The following TTC29 variants were observed in gnomAD, a reference collection of about 807,000 sequenced individuals.
TTC29 encodes the protein tetratricopeptide repeat domain 29.
A neutral mutation model predicts 58.1 loss-of-function variants in TTC29; 49 were observed. That is an observed-to-expected ratio of 0.84 (90% CI 0.67 to 1.07). TTC29 has a LOEUF of 1.07. TTC29 is among the 50% of genes least tolerant of loss of function. TTC29 has a pLI of 0.00. For synonymous variants in TTC29, 209 were observed against 196.8 expected (o/e 1.06, Z -0.52); for missense variants, 582 against 555.6 (o/e 1.05, Z -0.48).
At chr4:146,775,142 T>G (rs972787773) in intron 11 of TTC29, among the ~76,000 whole-genome samples, 5 of 152,184 alleles carry the variant, frequency 3.3e-5, no homozygotes, top group African/African-American at 9.6e-5. Flanking sequence ...ATAGGTGTCA[T>G]TGCATGTGAG....
chr4:146,914,007 C>T (rs1734063461), intron 4 of TTC29, among the ~76,000 whole-genome samples: 1 of 152,120 alleles, frequency 6.6e-6, no homozygotes, highest in Admixed American at 6.6e-5. Flanking sequence ...TTTTTACACA[C>T]ATGCGCACAT....
At chr4:146,755,345 A>G (rs1174431308) in intron 11 of TTC29, among the ~76,000 whole-genome samples, 2 of 152,316 alleles carry the variant, frequency 1.3e-5, no homozygotes, top group Admixed American at 6.5e-5. Flanking sequence ...TTCCAATGAC[A>G]TTCTTCACTG....
intron 10 of TTC29, among the ~76,000 whole-genome samples, chr4:146,809,199 A>G (rs1275611344): frequency 6.7e-6 from 1 of 149,956 alleles, no homozygotes; most frequent in African/African-American, 2.4e-5. Context: ...AAAAACTGAA[A>G]CTGGGTCCCT....
At chr4:146,902,750 G>C (rs376550762) in intron 6 of TTC29, among the ~76,000 whole-genome samples, 8 of 152,076 alleles carry the variant, frequency 5.3e-5, no homozygotes, top group Admixed American at 3.3e-4. Context: ...GGCGCCTTGC[G>C]AGCTTTAGCT....
At chr4:146,901,156 C>T (rs902877743) in intron 6 of TTC29, among the ~76,000 whole-genome samples, 1 of 152,080 alleles carries the variant, frequency 6.6e-6, no homozygotes, top group South Asian at 2.1e-4. Context: ...AAGAACTTAA[C>T]CCTTTTGTAC....
At chr4:146,887,522 C>A (rs188533953) in intron 6 of TTC29, among the ~76,000 whole-genome samples, 2 of 152,186 alleles carry the variant, frequency 1.3e-5, no homozygotes, top group Admixed American at 6.5e-5. Context: ...TCAAGTCTAG[C>A]ACCGGCTGCT....
intron 11 of TTC29, among the ~76,000 whole-genome samples, chr4:146,729,684 TC>T (rs1476609932): frequency 6.6e-6 from 1 of 152,086 alleles, no homozygotes; most frequent in African/African-American, 2.4e-5. Context: ...AACTGACAGT[TC>T]TACAGGGTTG....
chr4:146,867,548 A>G lies in TTC29; in HGVS notation c.835T>C (p.Tyr279His), dbSNP rs1165820363. 4 of 1,555,380 alleles carry G rather than the reference A, an allele frequency of 2.6e-6. No homozygotes were observed. Among genetic ancestry groups the G allele is most frequent in the Non-Finnish European group, 3.5e-6 (4 of 1,149,178 alleles). The change falls in exon 8 of 13, where the codon TAC (tyrosine) becomes CAC (histidine). Residue 279 changes from tyrosine to histidine, a missense_variant. Coordinates refer to ENST00000325106, the MANE Select transcript of TTC29 (RefSeq NM_031956.4). ...DKKMEAEASYYLGLAHLAAEE... is the reference protein window; with the variant it reads ...DKKMEAEASYHLGLAHLAAEE... ...GCAGCTAAGTGTGCTAAGCCCAAGT[A>G]GTAAGAGGCTTCCGCTTCCATCTTT...
intron 5 of TTC29, among the ~76,000 whole-genome samples, chr4:146,903,994 A>G (rs1733349135): frequency 6.6e-6 from 1 of 152,322 alleles, no homozygotes; most frequent in East Asian, 1.9e-4. Context: ...TGGTTGAAAC[A>G]GGAGGCTTTA....
intron 11 of TTC29, among the ~76,000 whole-genome samples, chr4:146,799,767 C>T (rs992961578): frequency 2.0e-5 from 3 of 152,096 alleles, no homozygotes; most frequent in Non-Finnish European, 4.4e-5. Context: ...AAGTGGTTAA[C>T]AATATTGGTA....
chr4:146,742,093 C>T (rs1745196033), intron 11 of TTC29, among the ~76,000 whole-genome samples: 2 of 152,202 alleles, frequency 1.3e-5, no homozygotes, highest in Admixed American at 6.5e-5. Context: ...TGATTTGAAC[C>T]TAGATCATGT....
chr4:146,876,094 C>T (rs1329211899), intron 6 of TTC29, among the ~76,000 whole-genome samples: 5 of 152,186 alleles, frequency 3.3e-5, no homozygotes, highest in Admixed American at 3.3e-4. Context: ...CCAGCTTTCC[C>T]AGTTTTTGTT....
chr4:146,810,341 C>G (rs183390444), intron 10 of TTC29, among the ~76,000 whole-genome samples: 1 of 151,984 alleles, frequency 6.6e-6, no homozygotes, highest in African/African-American at 2.4e-5. Flanking sequence ...CACCATGGCA[C>G]GTGTATACCT....
At chr4:146,912,239 G>C (rs1050748621) in intron 4 of TTC29, among the ~76,000 whole-genome samples, 2 of 152,190 alleles carry the variant, frequency 1.3e-5, no homozygotes, top group Non-Finnish European at 2.9e-5. Flanking sequence ...TCCAGGTCAA[G>C]ATCTGAAAAT....
chr4:146,707,628 C>A (rs1360381274), intron 11 of TTC29, 77 bp from the exon 12 acceptor site: 8 of 1,040,516 alleles, frequency 7.7e-6, no homozygotes, highest in African/African-American at 3.2e-5. Context: ...ACCTGGGAAT[C>A]CCTTTTCAGG....
intron 11 of TTC29, among the ~76,000 whole-genome samples, chr4:146,731,592 A>G (rs940359910): frequency 4.6e-5 from 7 of 152,192 alleles, no homozygotes; most frequent in Non-Finnish European, 8.8e-5. Flanking sequence ...GCTAAAAAAA[A>G]GTAGTGTTTC....
chr4:146,734,365 A>G (rs1744563001), intron 11 of TTC29, among the ~76,000 whole-genome samples: 1 of 152,146 alleles, frequency 6.6e-6, no homozygotes, highest in Non-Finnish European at 1.5e-5. Context: ...CCCTTCCCCT[A>G]TACTTCACCC....
chr4:146,918,952 G>A (rs1173871583), intron 4 of TTC29, among the ~76,000 whole-genome samples: 2 of 151,230 alleles, frequency 1.3e-5, no homozygotes, highest in East Asian at 3.9e-4. Context: ...CTCACAAAAA[G>A]TAACTGCCTT....
chr4:146,741,720 C>A (rs1322842146), intron 11 of TTC29, among the ~76,000 whole-genome samples: 1 of 152,158 alleles, frequency 6.6e-6, no homozygotes, highest in Admixed American at 6.5e-5. Flanking sequence ...TGTACAACTG[C>A]AATACCTAAA....
Sources: allele counts gnomAD v4.1 joint callset (sites outside exome capture counted in the v4.1 genomes callset), GRCh38; gene constraint gnomAD v4.1.1; transcripts MANE v1.5; gene names NCBI Gene and HGNC (gene_info 2026-07-23, HGNC 2026-07-21).